CHID1: variants seen among roughly 807,000 people sequenced by gnomAD.
CHID1 encodes chitinase domain-containing protein 1.
CHID1 carries 44 observed loss-of-function variants against 55.4 expected under a neutral mutation model. That is an observed-to-expected ratio of 0.79 (90% CI 0.62 to 1.02). The LOEUF (loss-of-function observed/expected upper bound fraction) is 1.02. Ranked by LOEUF, CHID1 falls within the 50% of genes least tolerant of loss-of-function variation. CHID1 has a pLI of 0.00. For missense variants in CHID1, 491 were observed against 515.3 expected (o/e 0.95, Z 0.46); for synonymous variants, 216 against 212.9 (o/e 1.01, Z -0.13).
At chr11:909,638 A>C (rs1400480232) in intron 1 of CHID1, among the ~76,000 whole-genome samples, 2 of 152,168 alleles carry the variant, frequency 1.3e-5, no homozygotes, top group African/African-American at 4.8e-5. Context: ...ACATGTGTAG[A>C]GCGACAGCAG....
chr11:905,088 C>T (rs1261851657), intron 1 of CHID1, among the ~76,000 whole-genome samples: 1 of 152,152 alleles, frequency 6.6e-6, no homozygotes, highest in Non-Finnish European at 1.5e-5. Flanking sequence ...TCCTAGATAC[C>T]CAGAAAGAAG....
intron 8 of CHID1, among the ~76,000 whole-genome samples, chr11:885,999 A>G (rs977583540): frequency 6.6e-6 from 1 of 152,096 alleles, no homozygotes; most frequent in Non-Finnish European, 1.5e-5. Flanking sequence ...ATACAAAAAA[A>G]TTAGCCGGGC....
chr11:895,569 G>GA (rs776148467), intron 7 of CHID1, among the ~76,000 whole-genome samples: 107 of 152,314 alleles, frequency 7.0e-4, no homozygotes, highest in Non-Finnish European at 1.3e-3. Context: ...GCCCCTCTGG[G>GA]CATGCGGACA....
chr11:895,598 A>G (rs1253558575), intron 7 of CHID1, among the ~76,000 whole-genome samples: 1 of 152,304 alleles, frequency 6.6e-6, no homozygotes, highest in East Asian at 1.9e-4. Context: ...GGGCTGATCC[A>G]GAGCTCAGGA....
upstream of CHID1, among the ~76,000 whole-genome samples, chr11:912,168 A>G (rs942316213): frequency 3.9e-5 from 6 of 152,222 alleles, no homozygotes; most frequent in African/African-American, 1.4e-4. Flanking sequence ...CTAAAAATAC[A>G]GAAATTAGGC....
chr11:906,764 C>A (rs769928220), intron 1 of CHID1, among the ~76,000 whole-genome samples: 11 of 152,164 alleles, frequency 7.2e-5, no homozygotes, highest in Non-Finnish European at 1.3e-4. Context: ...CGCGGGGGCT[C>A]ACGCCTGTAA....
intron 1 of CHID1, among the ~76,000 whole-genome samples, chr11:905,399 G>A (rs1852136350): frequency 6.6e-6 from 1 of 152,232 alleles, no homozygotes. Context: ...CGGGTGCGGT[G>A]GCTTATGCCT....
At chr11:899,615 G>C (rs578224377) in intron 6 of CHID1, among the ~76,000 whole-genome samples, 1 of 152,308 alleles carries the variant, frequency 6.6e-6, no homozygotes, top group East Asian at 1.9e-4. Context: ...CAGTGGTCTC[G>C]TGCATTCTGC....
At chr11:888,760 G>A (rs146590259) in intron 8 of CHID1, among the ~76,000 whole-genome samples, 137 of 151,936 alleles carry the variant, frequency 9.0e-4, no homozygotes, top group African/African-American at 3.0e-3. Flanking sequence ...ACTCGGCCTC[G>A]ACTGGACCCC....
At chr11:913,398 T>A (rs1852797365), upstream of CHID1, among the ~76,000 whole-genome samples, 1 of 152,186 alleles carries the variant, frequency 6.6e-6, no homozygotes, top group South Asian at 2.1e-4. Flanking sequence ...AAAAGAGGCT[T>A]CATTTATAAA....
At chr11:888,963 A>T (rs1224175350) in intron 8 of CHID1, among the ~76,000 whole-genome samples, 2 of 152,086 alleles carry the variant, frequency 1.3e-5, no homozygotes, top group Non-Finnish European at 2.9e-5. Flanking sequence ...AGACGGCTGG[A>T]CGCGCTCTGC....
rs1850221103 is a variant in CHID1 at position 884,152 on chromosome 11, A to G, written c.719T>C (p.Met240Thr). 6.2e-7 allele frequency: 1 copy of G among 1,613,944 alleles called. No individual in the cohort carries two copies. Among genetic ancestry groups the G allele is most frequent in the South Asian group, 1.1e-5 (1 of 91,090 alleles). Reference protein sequence around the residue: ...AITPGTDQLGMFTHKEFEQLA... With the variant: ...AITPGTDQLGTFTHKEFEQLA... ...CTGCTCAAACTCCTTGTGCGTGAACATGCCCAGCTGGTCGGTCCTGTAACA... is the reference window on the plus strand; with the variant it reads ...CTGCTCAAACTCCTTGTGCGTGAACGTGCCCAGCTGGTCGGTCCTGTAACA... The change falls in exon 9 of 13, where the codon ATG (methionine) becomes ACG (threonine). Residue 240 changes from methionine (M) to threonine (T), a missense_variant. Transcript: ENST00000323578.
intron 7 of CHID1, among the ~76,000 whole-genome samples, chr11:896,222 G>A (rs1379283540): frequency 5.4e-5 from 6 of 111,320 alleles, no homozygotes; most frequent in East Asian, 2.5e-4. Context: ...CCCCAGACAC[G>A]AAACTGTCTC....
chr11:888,023 C>CA (rs1850523938), intron 8 of CHID1, among the ~76,000 whole-genome samples: 3 of 152,388 alleles, frequency 2.0e-5, no homozygotes, highest in African/African-American at 7.2e-5. Context: ...CAGGAAGGGG[C>CA]AGTCCTGCCA....
chr11:869,930 G>A lies in CHID1; in HGVS notation c.1110C>T (p.Ala370=), dbSNP rs1469938918. Residue 370 remains alanine (A), a synonymous_variant, in exon 13 of 13, where the codon GCC becomes GCT. Coordinates refer to ENST00000323578, the MANE Select transcript of CHID1 (RefSeq NM_023947.4). ...TAGAGACCCCAACGCCCAGCTCCCG[G>A]GCCAGCTCCAGCCGCACCTGCAGGG... ...LKSLQVRLEL[A]RELGVGVSIW... 1 of 1,612,718 alleles carries A rather than the reference G, an allele frequency of 6.2e-7. No homozygotes were observed. The highest frequency in any genetic ancestry group is 8.5e-7 in the Non-Finnish European group (1 of 1,179,886).
chr11:890,067 CT>C (rs1196865641), intron 8 of CHID1, among the ~76,000 whole-genome samples: 6 of 152,132 alleles, frequency 3.9e-5, no homozygotes, highest in African/African-American at 1.4e-4. Flanking sequence ...CTGTCTGCTG[CT>C]GCTGGCGTCC....
At position 884,088 on chromosome 11, in the gene CHID1, G is replaced by A. The variant is rs753432580; in HGVS notation, c.783C>T (p.Tyr261=). ...CTCACTGATGCGCTGTAGAGTAGTC[G>A]TAGGTCATGAGGCTGAAACCATCCA... is the stretch of plus-strand genomic sequence containing the variant. ...PVLDGFSLMT[Y]DYSTAHQPGP... The change falls in exon 9 of 13, where the codon TAC becomes TAT. Residue 261 remains tyrosine (Y), a synonymous_variant. Coordinates refer to ENST00000323578, the MANE Select transcript of CHID1 (RefSeq NM_023947.4). 2.9e-5 allele frequency: 46 copies of A among 1,613,878 alleles called. No homozygotes were observed. The highest frequency in any genetic ancestry group is 1.1e-4 in the South Asian group (10 of 91,088).
chr11:904,133 G>A (rs372722566), intron 2 of CHID1, among the ~76,000 whole-genome samples: 3 of 152,200 alleles, frequency 2.0e-5, no homozygotes, highest in East Asian at 3.9e-4. Context: ...AAGCGGCCCC[G>A]TGAGAGAGAG....
intron 2 of CHID1, among the ~76,000 whole-genome samples, chr11:904,281 T>G (rs1361635996): frequency 6.6e-6 from 1 of 152,206 alleles, no homozygotes; most frequent in Non-Finnish European, 1.5e-5. Context: ...GGTGGTTCTA[T>G]GAGTTTACAC....
Sources: allele counts gnomAD v4.1 joint callset (sites outside exome capture counted in the v4.1 genomes callset), GRCh38; gene constraint gnomAD v4.1.1; transcripts MANE v1.5; gene names NCBI Gene and HGNC (gene_info 2026-07-23, HGNC 2026-07-21).